Variants in CSNK1G1 observed in about 807,000 individuals in gnomAD.
The protein encoded by CSNK1G1 is casein kinase I isoform gamma-1.
Under a neutral mutation model 59.6 loss-of-function variants are expected in CSNK1G1, and 22 were observed. The observed-to-expected ratio is 0.37, with a 90% confidence interval of 0.26 to 0.53. CSNK1G1 has a LOEUF of 0.53. Ranked by LOEUF, CSNK1G1 falls within the 20% of genes least tolerant of loss-of-function variation. CSNK1G1 has a pLI of 0.89. For missense variants in CSNK1G1, 384 were observed against 519.5 expected, an observed-to-expected ratio of 0.74 and a Z score of 2.54; for synonymous variants, 179 against 177.1, an observed-to-expected ratio of 1.01 and a Z score of -0.08.
At chr15:64,320,385 A>T (rs1896494914) in intron 1 of CSNK1G1, among the ~76,000 whole-genome samples, 1 of 152,102 alleles carries the variant, frequency 6.6e-6, no homozygotes, top group Non-Finnish European at 1.5e-5. Context: ...ATTTTGCCAT[A>T]TAAAAATATG....
rs181312392 is a variant in CSNK1G1, at chr15:64,214,307, C to A, written c.445-183G>T. Among the ~76,000 whole-genome samples, 1 of 152,296 alleles carries A rather than the reference C, an allele frequency of 6.6e-6. No individual in the cohort carries two copies. The highest frequency in any genetic ancestry group is 1.9e-4 in the East Asian group (1 of 5,182). ...AAAAATATTTTGCTATAAATACGTACACAACAAATATCAAGACTAGGAAAA... is the reference window on the plus strand; with the variant it reads ...AAAAATATTTTGCTATAAATACGTAAACAACAAATATCAAGACTAGGAAAA... On this transcript the variant is annotated intron_variant, in intron 5 of 11. Coordinates refer to ENST00000303052, the MANE Select transcript of CSNK1G1 (RefSeq NM_022048.5). This position sits in a 1 kb window ranked among gnomAD's most constrained non-coding sequence, Gnocchi z 4.3.
At chr15:64,181,322 T>G (rs1262395062) in intron 10 of CSNK1G1, 3 of 1,535,956 alleles carry the variant, frequency 2.0e-6, no homozygotes, top group Non-Finnish European at 1.7e-6. Flanking sequence ...TAGCTGCTTC[T>G]GCCACCTGGT....
At chr15:64,298,962 C>T (rs1596241412) in intron 2 of CSNK1G1, among the ~76,000 whole-genome samples, 1 of 152,104 alleles carries the variant, frequency 6.6e-6, no homozygotes, top group East Asian at 1.9e-4. Flanking sequence ...ATCACTTGAA[C>T]CTGGGAAGAG....
chr15:64,317,990 G>C (rs1221560375), intron 1 of CSNK1G1, among the ~76,000 whole-genome samples: 1 of 152,108 alleles, frequency 6.6e-6, no homozygotes, highest in Non-Finnish European at 1.5e-5. Flanking sequence ...ACATAGCTGG[G>C]AAAAGGATTT....
At chr15:64,274,201 T>C (rs1196249410) in intron 2 of CSNK1G1, among the ~76,000 whole-genome samples, 1 of 152,224 alleles carries the variant, frequency 6.6e-6, no homozygotes, top group Non-Finnish European at 1.5e-5. Context: ...GAGCTAAGCA[T>C]TGCCTCAAAT....
intron 1 of CSNK1G1, among the ~76,000 whole-genome samples, chr15:64,309,866 T>C (rs926412261): frequency 1.3e-5 from 2 of 152,092 alleles, no homozygotes; most frequent in Admixed American, 6.6e-5. Context: ...TCCTAGAACT[T>C]TGGGAGGTCA....
intron 6 of CSNK1G1, among the ~76,000 whole-genome samples, chr15:64,209,097 G>C (rs561076196): frequency 6.6e-6 from 1 of 152,134 alleles, no homozygotes; most frequent in African/African-American, 2.4e-5. Flanking sequence ...ATGTTTCCCA[G>C]GCTGGTCTTG....
intron 4 of CSNK1G1, among the ~76,000 whole-genome samples, chr15:64,242,640 C>G (rs1471556877): frequency 6.6e-6 from 1 of 152,168 alleles, no homozygotes; most frequent in Admixed American, 6.5e-5. Flanking sequence ...GGCTTCACTA[C>G]TGAATTCAAC....
At chr15:64,281,005 A>G (rs1894097190) in intron 2 of CSNK1G1, among the ~76,000 whole-genome samples, 1 of 151,826 alleles carries the variant, frequency 6.6e-6, no homozygotes, top group African/African-American at 2.4e-5. Flanking sequence ...TCAGCCTCCC[A>G]AGTAGCTGGG....
chr15:64,195,590 G>C (rs2082028281), intron 10 of CSNK1G1, among the ~76,000 whole-genome samples: 1 of 152,182 alleles, frequency 6.6e-6, no homozygotes, highest in South Asian at 2.1e-4. Context: ...ACAATATGTT[G>C]TACTCTAATA....
intron 3 of CSNK1G1, among the ~76,000 whole-genome samples, chr15:64,253,700 T>C (rs1006968921): frequency 1.3e-5 from 2 of 152,148 alleles, no homozygotes; most frequent in Non-Finnish European, 2.9e-5. Context: ...ATAAACAAAA[T>C]TGGGTATATA....
chr15:64,352,962 G>A (rs961659749), intron 1 of CSNK1G1, among the ~76,000 whole-genome samples: 2 of 151,926 alleles, frequency 1.3e-5, no homozygotes, highest in African/African-American at 4.8e-5. Context: ...GGTGGCACAC[G>A]CCTGTAGTTC....
At chr15:64,294,929 A>G (rs941509618) in intron 2 of CSNK1G1, among the ~76,000 whole-genome samples, 190 of 147,736 alleles carry the variant, frequency 1.3e-3, no homozygotes, top group Non-Finnish European at 1.9e-3. Flanking sequence ...AAAAAAAAAA[A>G]AAAAAAGAGG....
At position 64,214,011 on chromosome 15, in the gene CSNK1G1, T is replaced by C; in HGVS notation, c.558A>G (p.Ile186Met). The C allele has an allele frequency of 6.2e-7, 1 of 1,614,160 alleles. No homozygotes were observed. Among genetic ancestry groups the C allele is most frequent in the Non-Finnish European group, 8.5e-7 (1 of 1,179,990 alleles). The change falls in exon 6 of 12, where the codon ATA (isoleucine) becomes ATG (methionine). Residue 186 changes from isoleucine to methionine, a missense_variant. Ile to Met is a conservative substitution (Grantham distance 10). Transcript: ENST00000303052. The surrounding 1 kb of genome is among the most constrained non-coding windows in gnomAD (Gnocchi z 4.3). The stretch of plus-strand genomic sequence containing the variant: ...TGTATTCCTTGGCCAGTCCAAAGTC[T>C]ATAATGTGTATAACATGCTCTTTCT... ...GNKKEHVIHIIDFGLAKEYID... is the reference protein window; with the variant it reads ...GNKKEHVIHIMDFGLAKEYID...
intron 10 of CSNK1G1, among the ~76,000 whole-genome samples, chr15:64,201,105 C>T (rs1171450535): frequency 6.6e-6 from 1 of 151,872 alleles, no homozygotes; most frequent in Admixed American, 6.6e-5. Flanking sequence ...AACCTCATCT[C>T]TAATAAAAAT....
chr15:64,226,619 A>T (rs2082466715), intron 4 of CSNK1G1, among the ~76,000 whole-genome samples: 1 of 151,992 alleles, frequency 6.6e-6, no homozygotes, highest in Admixed American at 6.6e-5. Context: ...AGCTCAGCTC[A>T]GTTACTAACA....
At chr15:64,232,496 T>C (rs1461637108) in intron 4 of CSNK1G1, among the ~76,000 whole-genome samples, 1 of 152,230 alleles carries the variant, frequency 6.6e-6, no homozygotes, top group African/African-American at 2.4e-5. Flanking sequence ...AGATACATAA[T>C]TCTGCCTTCT....
intron 9 of CSNK1G1, among the ~76,000 whole-genome samples, chr15:64,203,880 C>T (rs1198209093): frequency 2.0e-5 from 3 of 151,654 alleles, no homozygotes; most frequent in South Asian, 2.1e-4. Flanking sequence ...TGGTGGCTCA[C>T]GCCTGTAATC....
At chr15:64,197,801 C>T (rs997901974) in intron 10 of CSNK1G1, among the ~76,000 whole-genome samples, 1 of 152,100 alleles carries the variant, frequency 6.6e-6, no homozygotes, top group Non-Finnish European at 1.5e-5. Flanking sequence ...AAATAAGCAC[C>T]AACTCGCCAG....
Sources: allele counts gnomAD v4.1 joint callset (sites outside exome capture counted in the v4.1 genomes callset), GRCh38; gene constraint gnomAD v4.1.1; non-coding constraint Gnocchi (gnomAD v3.1); transcripts MANE v1.5; gene names NCBI Gene and HGNC (gene_info 2026-07-23, HGNC 2026-07-21).